REV3L: variants seen among roughly 807,000 people sequenced by gnomAD.
The protein encoded by REV3L is DNA polymerase zeta catalytic subunit.
In REV3L, 69 loss-of-function variants were observed where a neutral mutation model predicts 299.4. That is an observed-to-expected ratio of 0.23 (90% confidence interval 0.19 to 0.28). The LOEUF (loss-of-function observed/expected upper bound fraction) is 0.28. Ranked by LOEUF, REV3L falls within the 10% of genes least tolerant of loss-of-function variation. REV3L has a pLI of 1.00. For missense variants in REV3L, 3,128 were observed against 3,693.8 expected (o/e 0.85, Z 3.97); for synonymous variants, 1,238 against 1,271.4 (o/e 0.97, Z 0.56).
At chr6:111,476,649 G>A (rs1792979412) in intron 1 of REV3L, among the ~76,000 whole-genome samples, 1 of 152,116 alleles carries the variant, frequency 6.6e-6, no homozygotes, top group South Asian at 2.1e-4. Context: ...CTGTTTTAGT[G>A]CTGTCATGTG....
chr6:111,323,922 T>C (rs1330338468), intron 25 of REV3L, among the ~76,000 whole-genome samples: 2 of 152,328 alleles, frequency 1.3e-5, no homozygotes, highest in East Asian at 3.9e-4. Context: ...ACAAAGGACA[T>C]ATTAAGTACA....
chr6:111,478,789 A>G (rs1793258651), intron 1 of REV3L, among the ~76,000 whole-genome samples: 1 of 152,190 alleles, frequency 6.6e-6, no homozygotes, highest in Admixed American at 6.5e-5. Flanking sequence ...TTCATGGCTA[A>G]CAGTATCTAG....
chr6:111,345,858 A>G (rs1268451955), intron 20 of REV3L, among the ~76,000 whole-genome samples: 1 of 151,878 alleles, frequency 6.6e-6, no homozygotes, highest in Non-Finnish European at 1.5e-5. Flanking sequence ...GAATTTGAAC[A>G]TAGCTGGTGG....
chr6:111,363,990 A>AACAC lies in REV3L; in HGVS notation c.6754-16_6754-13dup. On this transcript the variant is annotated splice_polypyrimidine_tract_variant and intron_variant, in intron 15 of 31. Transcript: ENST00000368802. ...GCTGCAAATTGATTCTATAAAAAAA[A>AACAC]ACACACACACACACAGCCAGAAAAA... is the stretch of plus-strand genomic sequence containing the variant. 6.3e-7 allele frequency: 1 copy of AACAC among 1,584,988 alleles called. No homozygotes were observed.
chr6:111,447,886 T>C (rs1789041515), intron 1 of REV3L, among the ~76,000 whole-genome samples: 1 of 152,226 alleles, frequency 6.6e-6, no homozygotes, highest in African/African-American at 2.4e-5. Context: ...TCTACTACTA[T>C]ACAAACACTG....
chr6:111,417,489 C>T (rs1416899382), intron 1 of REV3L, among the ~76,000 whole-genome samples: 1 of 152,146 alleles, frequency 6.6e-6, no homozygotes, highest in Non-Finnish European at 1.5e-5. Context: ...TGCTGTCACC[C>T]GCTCTCACTG....
chr6:111,416,513 G>C (rs1434287309), intron 1 of REV3L, 41 bp from the exon 2 acceptor site: 3 of 1,462,326 alleles, frequency 2.1e-6, no homozygotes, highest in Non-Finnish European at 2.8e-6. Flanking sequence ...TCCAGACACA[G>C]TTTAACAATA....
chr6:111,349,470 T>A (rs1777368663), intron 19 of REV3L, 134 bp from the exon 20 acceptor site: 1 of 460,472 alleles, frequency 2.2e-6, no homozygotes, highest in Non-Finnish European at 3.8e-6. Flanking sequence ...TATGAAAAAA[T>A]TTTGTGAAAT....
chr6:111,426,632 T>C (rs1383217535), intron 1 of REV3L, among the ~76,000 whole-genome samples: 3 of 152,234 alleles, frequency 2.0e-5, no homozygotes, highest in Non-Finnish European at 4.4e-5. Flanking sequence ...TGATGATTAA[T>C]ATGATTCTTT....
At chr6:111,344,696 C>T (rs1776856438) in intron 20 of REV3L, among the ~76,000 whole-genome samples, 1 of 152,066 alleles carries the variant, frequency 6.6e-6, no homozygotes, top group Non-Finnish European at 1.5e-5. Flanking sequence ...GAAATATCTA[C>T]AAGACAAAAG....
At chr6:111,454,191 C>A (rs1486411782) in intron 1 of REV3L, among the ~76,000 whole-genome samples, 1 of 151,548 alleles carries the variant, frequency 6.6e-6, no homozygotes, top group Non-Finnish European at 1.5e-5. Flanking sequence ...AATCCTCCTG[C>A]CTTAGCTTCC....
intron 1 of REV3L, among the ~76,000 whole-genome samples, chr6:111,464,265 GATC>G (rs1218130834): frequency 1.3e-5 from 2 of 152,120 alleles, no homozygotes; most frequent in African/African-American, 4.8e-5. Context: ...GGTTGTATAC[GATC>G]ATTAGTTCTT....
chr6:111,342,195 T>G (rs552348181), intron 21 of REV3L, among the ~76,000 whole-genome samples: 1 of 152,206 alleles, frequency 6.6e-6, no homozygotes, highest in African/African-American at 2.4e-5. Flanking sequence ...GCAAGAAAAC[T>G]TCCTGTCATA....
chr6:111,321,035 A>C (rs1401599215), intron 26 of REV3L, among the ~76,000 whole-genome samples: 1 of 152,322 alleles, frequency 6.6e-6, no homozygotes, highest in South Asian at 2.1e-4. Flanking sequence ...CTGGAATCAT[A>C]TAATAACTAT....
chr6:111,354,867 T>G (rs1582653431), intron 18 of REV3L, among the ~76,000 whole-genome samples: 1 of 151,752 alleles, frequency 6.6e-6, no homozygotes, highest in Middle Eastern at 3.4e-3. Context: ...AGTTAGTATT[T>G]TAAGTAACTC....
chr6:111,299,035 T>TTA lies in REV3L; in HGVS notation c.*979_*980dup, dbSNP rs1408531544. On this transcript the variant is annotated 3_prime_UTR_variant, in exon 32 of 32. Coordinates refer to ENST00000368802, the MANE Select transcript of REV3L (RefSeq NM_001372078.1). ...AAAAAGATGAAGTCACACTGCTATA[T>TTA]TATTTTATATTTTATTCAATTTTAA... 6.6e-6 allele frequency: 1 copy of TTA among 152,358 alleles called. No individual in the cohort carries two copies. Among genetic ancestry groups the TTA allele is most frequent in the Non-Finnish European group, 1.5e-5 (1 of 67,962 alleles). The allele number at this position is 152,358 out of a possible 1,614,324, so 9.4% of individuals were successfully genotyped here. A position where few individuals can be genotyped will look rare whatever the true frequency, so the allele number is the denominator to read the frequency against.
chr6:111,337,922 C>A (rs1776077153), intron 21 of REV3L, among the ~76,000 whole-genome samples: 1 of 152,120 alleles, frequency 6.6e-6, no homozygotes, highest in South Asian at 2.1e-4. Context: ...ATAACATTTA[C>A]ACTTTGCCCT....
Position 111,349,323 on chromosome 6 carries a change from C to T in REV3L, c.7314G>A (p.Glu2438=), listed in dbSNP as rs750733446. ...CATCTCTTTCAGCTGCAAATCTGTTCTCAATTTTGTCATCTATAGAAATGA... is the reference window on the plus strand; with the variant it reads ...CATCTCTTTCAGCTGCAAATCTGTTTTCAATTTTGTCATCTATAGAAATGA... ...MISRVPDDKI[E]NRFAAERDEY... Residue 2438 remains glutamate, a synonymous_variant, in exon 20 of 32, where the codon GAG becomes GAA. Coordinates refer to ENST00000368802, the MANE Select transcript of REV3L (RefSeq NM_001372078.1). The T allele has an allele frequency of 1.3e-6, 2 of 1,578,936 alleles. No homozygotes were observed. The highest frequency in any genetic ancestry group is 1.7e-6 in the Non-Finnish European group (2 of 1,154,060).
chr6:111,411,920 A>G (rs1002140482), intron 2 of REV3L: 14 of 933,588 alleles, frequency 1.5e-5, no homozygotes, highest in Non-Finnish European at 1.8e-5. Flanking sequence ...CATATAAGAA[A>G]ACATATTTTT....
Sources: allele counts gnomAD v4.1 joint callset (sites outside exome capture counted in the v4.1 genomes callset), GRCh38; gene constraint gnomAD v4.1.1; transcripts MANE v1.5; gene names NCBI Gene and HGNC (gene_info 2026-07-23, HGNC 2026-07-21).